IL1RAPL2: variants seen among roughly 807,000 people sequenced by gnomAD.
IL1RAPL2 encodes interleukin 1 receptor accessory protein like 2.
IL1RAPL2 carries 3 observed loss-of-function variants against 44.1 expected under a neutral mutation model. The ratio of observed to expected loss-of-function variants is 0.07; its 90% CI spans 0.03 to 0.18. The LOEUF is 0.18. IL1RAPL2 is among the 10% of genes least tolerant of loss of function. The pLI, the probability that IL1RAPL2 is intolerant of heterozygous loss-of-function variation, is 1.00. For synonymous variants in IL1RAPL2, 181 were observed against 178.8 expected (o/e 1.01, Z -0.10); for missense variants, 391 against 496.4 (o/e 0.79, Z 2.02).
intron 2 of IL1RAPL2, among the ~76,000 whole-genome samples, chrX:104,865,229 G>C (rs919310874): frequency 2.1e-4 from 24 of 111,770 alleles, no homozygotes; most frequent in African/African-American, 7.8e-4. Context: ...GGACTTGAAA[G>C]ATGCAAGTCT....
chrX:104,578,226 G>C (rs1412039099), intron 1 of IL1RAPL2, among the ~76,000 whole-genome samples: 2 of 111,871 alleles, frequency 1.8e-5, no homozygotes, highest in Non-Finnish European at 3.8e-5. Flanking sequence ...GCAAAAAGAT[G>C]AGGGTGGGCA....
chrX:104,901,196 CTTCTTTTTTTT>C (rs1923802918), intron 2 of IL1RAPL2, among the ~76,000 whole-genome samples: 1 of 57,923 alleles, frequency 1.7e-5, no homozygotes, highest in Non-Finnish European at 3.0e-5. Context: ...CTTTCTTTTG[CTTCTTTTTTTT>C]TTTTTTTTTT....
intron 2 of IL1RAPL2, among the ~76,000 whole-genome samples, chrX:104,915,029 T>A (rs759791405): frequency 8.9e-6 from 1 of 112,022 alleles, no homozygotes; most frequent in South Asian, 3.7e-4. Flanking sequence ...TAAACATACA[T>A]GTGCATGTGT....
intron 2 of IL1RAPL2, among the ~76,000 whole-genome samples, chrX:105,022,224 T>G (rs997844897): frequency 2.7e-5 from 3 of 111,219 alleles, no homozygotes; most frequent in African/African-American, 9.8e-5. Context: ...ATTTATAGAC[T>G]AAGTTTACTG....
At chrX:104,656,193 T>A (rs1930255892) in intron 1 of IL1RAPL2, among the ~76,000 whole-genome samples, 1 of 111,401 alleles carries the variant, frequency 9.0e-6, no homozygotes, top group South Asian at 3.8e-4. Context: ...TCTCTGTTCT[T>A]AGTTATTTCT....
intron 6 of IL1RAPL2, among the ~76,000 whole-genome samples, chrX:105,548,723 G>A (rs2036827444): frequency 1.8e-5 from 2 of 111,185 alleles, no homozygotes; most frequent in Non-Finnish European, 1.9e-5. Context: ...GTTTGATCTC[G>A]GTCCTGCTTC....
intron 1 of IL1RAPL2, among the ~76,000 whole-genome samples, chrX:104,655,184 G>T (rs1930230820): frequency 9.0e-6 from 1 of 111,300 alleles, no homozygotes; most frequent in Non-Finnish European, 1.9e-5. Flanking sequence ...CTGCCTGATT[G>T]CCCTGGCCAG....
chrX:104,650,241 A>G (rs764624594), intron 1 of IL1RAPL2, among the ~76,000 whole-genome samples: 2 of 111,957 alleles, frequency 1.8e-5, no homozygotes, highest in South Asian at 7.4e-4. Context: ...TAATTTTGAA[A>G]TAATTGAATA....
intron 5 of IL1RAPL2, among the ~76,000 whole-genome samples, chrX:105,285,701 C>A (rs1257275163): frequency 8.9e-6 from 1 of 111,996 alleles, no homozygotes; most frequent in Non-Finnish European, 1.9e-5. Context: ...CAGTGTCTTT[C>A]TGACTTAGTC....
At chrX:105,737,507 T>C (rs1434520049) in intron 7 of IL1RAPL2, among the ~76,000 whole-genome samples, 1 of 111,361 alleles carries the variant, frequency 9.0e-6, no homozygotes, top group Non-Finnish European at 1.9e-5. Flanking sequence ...TATATATTAA[T>C]AGATGAACCA....
chrX:105,587,903 G>A (rs945678505), intron 6 of IL1RAPL2, among the ~76,000 whole-genome samples: 2 of 110,762 alleles, frequency 1.8e-5, no homozygotes, highest in African/African-American at 6.6e-5. Flanking sequence ...CCTGGGCACA[G>A]TGGCGCATGC....
chrX:104,869,620 A>G (rs1191047854), intron 2 of IL1RAPL2, among the ~76,000 whole-genome samples: 2 of 111,610 alleles, frequency 1.8e-5, no homozygotes, highest in East Asian at 5.6e-4. Flanking sequence ...GGTTTGTTAC[A>G]TATGTATGCA....
intron 6 of IL1RAPL2, among the ~76,000 whole-genome samples, chrX:105,710,248 A>T (rs1272389172): frequency 9.2e-6 from 1 of 108,482 alleles, no homozygotes; most frequent in Non-Finnish European, 1.9e-5. Context: ...TCATTATTCT[A>T]TTCTAAGGTT....
intron 2 of IL1RAPL2, among the ~76,000 whole-genome samples, chrX:105,002,936 C>G (rs2030877543): frequency 9.0e-6 from 1 of 111,198 alleles, no homozygotes; most frequent in East Asian, 2.9e-4. Flanking sequence ...AAGGTTTTTT[C>G]ATGTACCAGA....
At chrX:104,628,095 A>T (rs765940969) in intron 1 of IL1RAPL2, among the ~76,000 whole-genome samples, 1 of 111,579 alleles carries the variant, frequency 9.0e-6, no homozygotes, top group South Asian at 3.8e-4. Flanking sequence ...TATGGGGTAC[A>T]TGTGATATTT....
chrX:104,728,765 G>A (rs762168509), intron 2 of IL1RAPL2, among the ~76,000 whole-genome samples: 39 of 111,456 alleles, frequency 3.5e-4, no homozygotes, highest in Non-Finnish European at 6.4e-4. Flanking sequence ...GAGAGAGCAC[G>A]GGCCTGTTTT....
At chrX:105,343,437 T>C (rs1479353237) in intron 5 of IL1RAPL2, among the ~76,000 whole-genome samples, 1 of 112,123 alleles carries the variant, frequency 8.9e-6, no homozygotes, top group East Asian at 2.8e-4. Context: ...ATACTGTCCT[T>C]ACAATTTTGT....
At position 105,077,929 on chromosome X, in the gene IL1RAPL2, T is replaced by G. The variant is rs768653369; in HGVS notation, c.83-117546T>G. Among the ~76,000 whole-genome samples the G allele has an allele frequency of 5.4e-5, 6 of 111,572 alleles. No individual in the cohort carries two copies. The South Asian group carries it at 2.3e-3, about 42-fold the overall frequency. The stretch of plus-strand genomic sequence containing the variant: ...GACTTCTCTGCATTGGTTATTCCAG[T>G]TATGCATTCATCTAATTTTTTTCGA... On this transcript the variant is annotated intron_variant, in intron 2 of 10. Transcript: ENST00000372582.
intron 2 of IL1RAPL2, among the ~76,000 whole-genome samples, chrX:105,168,329 A>G (rs942579737): frequency 4.5e-5 from 5 of 110,534 alleles, no homozygotes; most frequent in Admixed American, 9.7e-5. Flanking sequence ...ATGCGGGGCT[A>G]TTCATATGTT....
Sources: allele counts gnomAD v4.1 joint callset (sites outside exome capture counted in the v4.1 genomes callset), GRCh38; gene constraint gnomAD v4.1.1; transcripts MANE v1.5; gene names NCBI Gene and HGNC (gene_info 2026-07-23, HGNC 2026-07-21).